ANGEL2: variants seen among roughly 807,000 people sequenced by gnomAD.
ANGEL2 encodes angel homolog 2.
Under a neutral mutation model 66.0 loss-of-function variants are expected in ANGEL2, and 41 were observed. The observed-to-expected ratio is 0.62, with a 90% CI of 0.48 to 0.81. The LOEUF is 0.81. Among genes scored for constraint, ANGEL2 ranks in the 30% least tolerant of loss-of-function variants. ANGEL2 has a pLI of 0.00. For missense variants in ANGEL2, 561 were observed against 641.6 expected (o/e 0.87, Z 1.36); for synonymous variants, 208 against 226.5 (o/e 0.92, Z 0.73).
chr1:213,000,823 C>A lies in ANGEL2; in HGVS notation c.1224G>T (p.Val408=), dbSNP rs201947768. 1 of 1,612,096 alleles carries A rather than the reference C, an allele frequency of 6.2e-7. No individual in the cohort carries two copies. The highest frequency in any genetic ancestry group is 8.5e-7 in the Non-Finnish European group (1 of 1,179,732). The stretch of plus-strand genomic sequence containing the variant: ...CTTTTGGTACCTGCTGTACCTCATA[C>A]ACACAGTTCTGTGAGATACCTAGGT... ...PPNLGISQNC[V]YEVQQVPKVE... The change falls in exon 6 of 9, where the codon GTG becomes GTT. Residue 408 remains valine (V), a synonymous_variant. Coordinates refer to ENST00000366962, the MANE Select transcript of ANGEL2 (RefSeq NM_144567.5).
chr1:213,007,364 T>A (rs2076362886), intron 3 of ANGEL2, among the ~76,000 whole-genome samples, 166 bp from the exon 4 acceptor site: 1 of 152,216 alleles, frequency 6.6e-6, no homozygotes, highest in Admixed American at 6.5e-5. Context: ...ACCAAATTAA[T>A]GTTTCCGAAT....
chr1:212,997,503 T>A (rs1335312436), intron 7 of ANGEL2, among the ~76,000 whole-genome samples, 185 bp from the exon 8 acceptor site: 1 of 152,232 alleles, frequency 6.6e-6, no homozygotes, highest in Non-Finnish European at 1.5e-5. Context: ...AACCCATCAA[T>A]AAAGCCATTA....
At chr1:213,010,566 C>T (rs1288375116) in intron 2 of ANGEL2, among the ~76,000 whole-genome samples, 6 of 120,074 alleles carry the variant, frequency 5.0e-5, no homozygotes, top group East Asian at 2.6e-4. Flanking sequence ...AGTGAGCCTT[C>T]GTCTCAAAAA....
At position 213,005,223 on chromosome 1, in the gene ANGEL2, G is replaced by A. The variant is rs143952778; in HGVS notation, c.944C>T (p.Pro315Leu). The part of the protein sequence containing the change: ...CVANTHLLYN[P>L]RRGDIKLTQL... Reference sequence around the variant, plus strand: ...CGTCAGCTTAATATCACCTCGCCTTGGATTATACAACAGATGCGTATTTGC... The same window carrying A: ...CGTCAGCTTAATATCACCTCGCCTTAGATTATACAACAGATGCGTATTTGC... The change falls in exon 5 of 9, where the codon CCA becomes CTA. Residue 315 changes from proline to leucine, a missense_variant. Transcript: ENST00000366962. The A allele has an allele frequency of 4.3e-6, 7 of 1,614,074 alleles. No homozygotes were observed. The highest frequency in any genetic ancestry group is 3.3e-5 in the Admixed American group (2 of 59,998).
chr1:212,993,390 T>G lies in ANGEL2; in HGVS notation c.*1651A>C, dbSNP rs978773832. 6.6e-6 allele frequency: 1 copy of G among 152,222 alleles called. No homozygotes were observed. Among genetic ancestry groups the G allele is most frequent in the Non-Finnish European group, 1.5e-5 (1 of 68,034 alleles). 9.4% of individuals were successfully genotyped at this position (152,222 alleles called of 1,614,324 possible). A position where few individuals can be genotyped will look rare whatever the true frequency, so the allele number is the denominator to read the frequency against. The stretch of plus-strand genomic sequence containing the variant: ...AATTACAATTTTTACTAGACAAATC[T>G]TATAATCCACATGCCTTCTCTGAGG... On this transcript the variant is annotated 3_prime_UTR_variant, in exon 9 of 9. Coordinates refer to ENST00000366962, the MANE Select transcript of ANGEL2 (RefSeq NM_144567.5).
chr1:212,997,123 T>C (rs376260526), intron 8 of ANGEL2, 32 bp downstream of exon 8: 49 of 1,596,926 alleles, frequency 3.1e-5, no homozygotes, highest in Admixed American at 1.0e-4. Flanking sequence ...CTGTGCTCTC[T>C]AGGAGAATTT....
intron 1 of ANGEL2, among the ~76,000 whole-genome samples, chr1:213,014,298 G>C (rs1176339673): frequency 2.0e-5 from 3 of 152,186 alleles, no homozygotes; most frequent in Non-Finnish European, 4.4e-5. Flanking sequence ...TTCTACCACA[G>C]CATCAATAAT....
intron 2 of ANGEL2, among the ~76,000 whole-genome samples, 183 bp from the exon 3 acceptor site, chr1:213,008,649 G>T (rs772027908): frequency 1.3e-4 from 20 of 152,192 alleles, no homozygotes; most frequent in Non-Finnish European, 1.9e-4. Context: ...TACAAATGCG[G>T]TAACACAATA....
At chr1:213,001,078 T>C (rs1418236416) in intron 5 of ANGEL2, 166 bp from the exon 6 acceptor site, 1 of 628,658 alleles carries the variant, frequency 1.6e-6, no homozygotes, top group Non-Finnish European at 2.6e-6. Flanking sequence ...TTTCTTTAAA[T>C]ACAATTCAGA....
At chr1:213,010,298 G>A (rs138619401) in intron 2 of ANGEL2, among the ~76,000 whole-genome samples, 98 of 151,652 alleles carry the variant, frequency 6.5e-4, no homozygotes, top group African/African-American at 1.9e-3. Flanking sequence ...TTGGCCGGGC[G>A]TGGTGGCTCA....
intron 4 of ANGEL2, 29 bp downstream of exon 4, chr1:213,007,100 A>AG (rs71147054): frequency 1.3e-5 from 6 of 445,786 alleles, no homozygotes; most frequent in Non-Finnish European, 1.8e-5. Context: ...CTCAAAAAAG[A>AG]AAAAAAAAAA....
In ANGEL2 at chr1:213,000,313, T is replaced by C; in HGVS notation, c.1319+13A>G. On this transcript the variant is annotated intron_variant, in intron 7 of 8. Coordinates refer to ENST00000366962, the MANE Select transcript of ANGEL2 (RefSeq NM_144567.5). ...AAGTTAGCAAATGTCTCCTTTTGCT[T>C]TCCAGAACTCACTTTTCAGCTGTCA... 1.2e-6 allele frequency: 2 copies of C among 1,610,270 alleles called. No individual in the cohort carries two copies. The highest frequency in any genetic ancestry group is 1.7e-6 in the Non-Finnish European group (2 of 1,176,886).
rs202124670 is a variant in ANGEL2 at position 213,007,099 on chromosome 1, GAAAAAA to G, written c.712+24_712+29del. The G allele has an allele frequency of 3.6e-6, 5 of 1,388,186 alleles. No individual in the cohort carries two copies. In the South Asian group the frequency reaches 5.0e-5, roughly 14 times the overall value. 86.0% of individuals were successfully genotyped at this position (1,388,186 alleles called of 1,614,324 possible). A position where few individuals can be genotyped will look rare whatever the true frequency, so the allele number is the denominator to read the frequency against. ...CAGAGTGAGACCCTGTCTCAAAAAA[GAAAAAA>G]AAAAAAAAAAAGTTGCATTGTACCC... is the stretch of plus-strand genomic sequence containing the variant. On this transcript the variant is annotated intron_variant, in intron 4 of 8. Transcript: ENST00000366962.
At chr1:212,996,302 T>C (rs2076004378) in intron 8 of ANGEL2, among the ~76,000 whole-genome samples, 1 of 151,396 alleles carries the variant, frequency 6.6e-6, no homozygotes. Flanking sequence ...CGAGACTCCG[T>C]CTCAAAAACA....
intron 2 of ANGEL2, chr1:213,011,161 C>T (rs1466939762): frequency 5.5e-6 from 7 of 1,283,162 alleles, no homozygotes; most frequent in Non-Finnish European, 7.1e-6. Context: ...AGTCTCTGGC[C>T]TTCATATGCT....
chr1:212,995,088 A>G lies in ANGEL2; in HGVS notation c.1588T>C (p.Ser530Pro). The change falls in exon 9 of 9, where the codon TCT becomes CCT. Residue 530 changes from serine (S) to proline (P), a missense_variant. Ser to Pro is a moderately conservative substitution (Grantham distance 74). Coordinates refer to ENST00000366962, the MANE Select transcript of ANGEL2 (RefSeq NM_144567.5). ...TVNGLPNENN[S>P]SDHLPLLAKF... The stretch of plus-strand genomic sequence containing the variant: ...GCCAATAAAGGCAGATGATCTGAAG[A>G]GTTATTTTCGTTTGGAAGTCCATTA... 6.2e-7 allele frequency: 1 copy of G among 1,612,712 alleles called. No individual in the cohort carries two copies. Among genetic ancestry groups the G allele is most frequent in the Non-Finnish European group, 8.5e-7 (1 of 1,179,208 alleles).
At chr1:213,000,977 TTA>T (rs2076162931) in intron 5 of ANGEL2, 65 bp from the exon 6 acceptor site, 1 of 1,495,094 alleles carries the variant, frequency 6.7e-7, no homozygotes, top group Admixed American at 2.3e-5. Context: ...GTTGAAAAAT[TTA>T]TGTCTTAAAT....
At chr1:213,007,243 C>T (rs911371868) in intron 3 of ANGEL2, 45 bp from the exon 4 acceptor site, 1 of 1,367,772 alleles carries the variant, frequency 7.3e-7, no homozygotes, top group Non-Finnish European at 9.9e-7. Flanking sequence ...GAGATGCAAT[C>T]ATGAATTTCC....
Position 213,015,836 on chromosome 1 carries a change from C to CTG in ANGEL2, c.-166_-165insCA. The CTG allele has an allele frequency of 3.6e-6, 3 of 823,960 alleles. No homozygotes were observed. The highest frequency in any genetic ancestry group is 5.4e-5 in the East Asian group (2 of 37,320). The allele number at this position is 823,960 out of a possible 1,614,324, so 51.0% of individuals were successfully genotyped here. A position where few individuals can be genotyped will look rare whatever the true frequency, so the allele number is the denominator to read the frequency against. ...AGGTGCAGTCTCGCCGGCCGGCCTA[C>CTG]ACTCCATCTTGCGCAGTCAGAGTCC... On this transcript the variant is annotated 5_prime_UTR_variant, in exon 1 of 9. It introduces an in-frame stop codon into an upstream open reading frame of the 5' UTR. Coordinates refer to ENST00000366962, the MANE Select transcript of ANGEL2 (RefSeq NM_144567.5).
Sources: allele counts gnomAD v4.1 joint callset (sites outside exome capture counted in the v4.1 genomes callset), GRCh38; gene constraint gnomAD v4.1.1; transcripts MANE v1.5; gene names NCBI Gene and HGNC (gene_info 2026-07-23, HGNC 2026-07-21).